The following SLC24A2 variants were observed in gnomAD, a reference collection of about 807,000 sequenced individuals.
SLC24A2 encodes solute carrier family 24 member 2.
SLC24A2 carries 36 observed loss-of-function variants against 62.0 expected under a neutral mutation model. That is an observed-to-expected ratio of 0.58 (90% CI 0.44 to 0.77). SLC24A2 has a LOEUF of 0.77. Among genes scored for constraint, SLC24A2 ranks in the 30% least tolerant of loss-of-function variants. The pLI is 0.00. For missense variants in SLC24A2, 846 were observed against 817.9 expected (o/e 1.03, Z -0.42); for synonymous variants, 358 against 294.0 (o/e 1.22, Z -2.23).
At chr9:20,005,911 A>G in the SLC24A2 span, among the ~76,000 whole-genome samples, 1 of 151,338 alleles carries the variant, frequency 6.6e-6, no homozygotes, top group Admixed American at 6.6e-5. Context: ...TTGTCATATG[A>G]AAATAACCCA....
At chr9:20,132,576 T>C in the SLC24A2 span, among the ~76,000 whole-genome samples, 78 of 152,244 alleles carry the variant, frequency 5.1e-4, no homozygotes, top group African/African-American at 1.7e-3. Context: ...ACCTCAAATC[T>C]CACTCCCCAA....
chr9:20,224,985 C>A, the SLC24A2 span, among the ~76,000 whole-genome samples: 1 of 152,116 alleles, frequency 6.6e-6, no homozygotes, highest in East Asian at 1.9e-4. Flanking sequence ...GTCAGGGGCC[C>A]CCTCCTCCAC....
chr9:19,668,694 T>C (rs995436274), intron 2 of SLC24A2, among the ~76,000 whole-genome samples: 1 of 152,148 alleles, frequency 6.6e-6, no homozygotes, highest in Non-Finnish European at 1.5e-5. Flanking sequence ...AATAATAGTT[T>C]CCTCTCCTGT....
the SLC24A2 span, among the ~76,000 whole-genome samples, chr9:20,294,709 A>G: frequency 1.1e-4 from 16 of 152,190 alleles, no homozygotes; most frequent in African/African-American, 3.4e-4. Context: ...AATTCAATAA[A>G]TATTTGCTGG....
chr9:19,845,811 T>A, the SLC24A2 span, among the ~76,000 whole-genome samples: 1 of 152,176 alleles, frequency 6.6e-6, no homozygotes, highest in Non-Finnish European at 1.5e-5. Context: ...TTATTTCATA[T>A]AATTTTTTAT....
chr9:19,779,652 A>G (rs983939300), intron 2 of SLC24A2, among the ~76,000 whole-genome samples: 1 of 152,242 alleles, frequency 6.6e-6, no homozygotes, highest in Non-Finnish European at 1.5e-5. Flanking sequence ...AGGAATGAGG[A>G]GGGGAAAAAC....
the SLC24A2 span, among the ~76,000 whole-genome samples, chr9:19,964,248 T>G: frequency 6.8e-6 from 1 of 146,550 alleles, no homozygotes. Flanking sequence ...AGGGATAGCA[T>G]GAGGAGATAT....
At chr9:19,754,385 G>C (rs1274340783) in intron 2 of SLC24A2, among the ~76,000 whole-genome samples, 1 of 152,178 alleles carries the variant, frequency 6.6e-6, no homozygotes, top group Non-Finnish European at 1.5e-5. Context: ...CTCACTGTGT[G>C]AACTTAAGCA....
chr9:19,569,298 T>A (rs772558991), intron 7 of SLC24A2, among the ~76,000 whole-genome samples: 2 of 152,236 alleles, frequency 1.3e-5, no homozygotes, highest in African/African-American at 4.8e-5. Flanking sequence ...TGGACCACAG[T>A]GTGCCAATCC....
chr9:19,993,934 C>T, the SLC24A2 span, among the ~76,000 whole-genome samples: 21 of 152,142 alleles, frequency 1.4e-4, no homozygotes, highest in African/African-American at 4.6e-4. Flanking sequence ...TATTGAGACC[C>T]CACTATTGCT....
At chr9:20,263,853 T>G in the SLC24A2 span, among the ~76,000 whole-genome samples, 1 of 17,444 alleles carries the variant, frequency 5.7e-5, no homozygotes, top group Admixed American at 7.8e-4. Flanking sequence ...CTCCTGGATA[T>G]CCCACCCGCC....
the SLC24A2 span, among the ~76,000 whole-genome samples, chr9:20,295,180 T>C: frequency 1.3e-5 from 2 of 151,956 alleles, no homozygotes; most frequent in Non-Finnish European, 2.9e-5. Flanking sequence ...AGTCTAAAAT[T>C]CCTAACATCT....
the SLC24A2 span, among the ~76,000 whole-genome samples, chr9:20,174,273 CTAGACATTGG>C: frequency 6.6e-6 from 1 of 152,132 alleles, no homozygotes; most frequent in East Asian, 1.9e-4. Context: ...AAAAACCCTT[CTAGACATTGG>C]CTTAGGCAAG....
intron 8 of SLC24A2, among the ~76,000 whole-genome samples, chr9:19,536,178 C>CT (rs945200479): frequency 3.0e-4 from 44 of 145,846 alleles, no homozygotes; most frequent in South Asian, 4.4e-4. Flanking sequence ...AAGAAATTTT[C>CT]TTTTTTTTTA....
chr9:19,672,518 C>A (rs1451205117), intron 2 of SLC24A2, among the ~76,000 whole-genome samples: 3 of 145,906 alleles, frequency 2.1e-5, no homozygotes, highest in Non-Finnish European at 4.5e-5. Flanking sequence ...TTTGTATTTT[C>A]TTTGTTTCAA....
chr9:20,176,518 A>C, the SLC24A2 span, among the ~76,000 whole-genome samples: 1 of 152,084 alleles, frequency 6.6e-6, no homozygotes, highest in Non-Finnish European at 1.5e-5. Flanking sequence ...AACTTCCTAT[A>C]ATCTTCCCCA....
At chr9:19,974,447 C>T in the SLC24A2 span, among the ~76,000 whole-genome samples, 1 of 152,176 alleles carries the variant, frequency 6.6e-6, no homozygotes, top group Non-Finnish European at 1.5e-5. Context: ...ATTGTGTCAA[C>T]AAGTGCTTAT....
At position 19,513,452 on chromosome 9, in the gene SLC24A2, G is replaced by A. The variant is rs1244859866; in HGVS notation, c.*2701C>T. ...CATCCAGTGAGGGAGCAGTGCTGTT[G>A]TAGGTCAGGCTCAGTGCACATGACT... On this transcript the variant is annotated 3_prime_UTR_variant, in exon 11 of 11. Coordinates refer to ENST00000341998, the MANE Select transcript of SLC24A2 (RefSeq NM_020344.4). 2.0e-5 allele frequency: 3 copies of A among 152,086 alleles called. No homozygotes were observed. Among genetic ancestry groups the A allele is most frequent in the Admixed American group, 1.3e-4 (2 of 15,240 alleles). The allele number at this position is 152,086 out of a possible 1,614,324, so 9.4% of individuals were successfully genotyped here.
the SLC24A2 span, among the ~76,000 whole-genome samples, chr9:20,204,202 G>A: frequency 6.6e-6 from 1 of 152,158 alleles, no homozygotes; most frequent in African/African-American, 2.4e-5. Flanking sequence ...TATAGTAACT[G>A]AGAAATAATA....
Sources: allele counts gnomAD v4.1 joint callset (sites outside exome capture counted in the v4.1 genomes callset), GRCh38; gene constraint gnomAD v4.1.1; transcripts MANE v1.5; gene names NCBI Gene and HGNC (gene_info 2026-07-23, HGNC 2026-07-21).